Variants in ERAP1 observed in about 807,000 individuals in gnomAD.
The protein encoded by ERAP1 is adipocyte-derived leucine aminopeptidase.
Under a neutral mutation model 103.7 loss-of-function variants are expected in ERAP1, and 86 were observed. The ratio of observed to expected loss-of-function variants is 0.83; its 90% CI spans 0.70 to 0.99. The LOEUF is 0.99. Among genes scored for constraint, ERAP1 ranks in the 50% least tolerant of loss-of-function variants. ERAP1 has a pLI of 0.00. For missense variants in ERAP1, 1,009 were observed against 1,128.4 expected (o/e 0.89, Z 1.52); for synonymous variants, 398 against 402.4 (o/e 0.99, Z 0.13).
intron 3 of ERAP1, among the ~76,000 whole-genome samples, chr5:96,798,870 C>CTTT (rs1561283595): frequency 1.7e-5 from 1 of 58,084 alleles, no homozygotes; most frequent in Non-Finnish European, 4.5e-5. Flanking sequence ...ACAAAAATTT[C>CTTT]CTTTTTTTTT....
chr5:96,763,343 CGT>C (rs537007209), intron 19 of ERAP1: 3 of 751,422 alleles, frequency 4.0e-6, no homozygotes, highest in Non-Finnish European at 7.4e-6. Flanking sequence ...TAAAATGCCC[CGT>C]GTGTGTGTAT....
chr5:96,780,845 G>T (rs1775060526), intron 17 of ERAP1, among the ~76,000 whole-genome samples: 1 of 152,218 alleles, frequency 6.6e-6, no homozygotes, highest in Admixed American at 6.5e-5. Context: ...AAGGGGTTAT[G>T]CCAGATGGAA....
intron 19 of ERAP1, chr5:96,769,275 C>T (rs1172070968): frequency 2.0e-5 from 3 of 152,232 alleles, no homozygotes; most frequent in Non-Finnish European, 2.9e-5. Flanking sequence ...CCTGGTAACT[C>T]GTAAGTAATG....
the ERAP1 span, among the ~76,000 whole-genome samples, chr5:96,821,381 A>C: frequency 6.6e-6 from 1 of 151,982 alleles, no homozygotes; most frequent in Non-Finnish European, 1.5e-5. Context: ...AATTCAACAG[A>C]CTCCAAAAGA....
At chr5:96,912,116 G>A in the ERAP1 span, among the ~76,000 whole-genome samples, 11 of 149,516 alleles carry the variant, frequency 7.4e-5, no homozygotes, top group East Asian at 2.0e-3. Context: ...TGTGAACCCC[G>A]GGGGGCGGAG....
the ERAP1 span, chr5:96,912,815 A>G: frequency 1.9e-6 from 3 of 1,578,868 alleles, no homozygotes; most frequent in Admixed American, 4.0e-5. Context: ...TCAATAATTT[A>G]ACTAAATTGT....
At chr5:96,907,546 G>C in the ERAP1 span, among the ~76,000 whole-genome samples, 1 of 151,222 alleles carries the variant, frequency 6.6e-6, no homozygotes, top group South Asian at 2.1e-4. Context: ...GCTCACACAG[G>C]TGGGAAGGAG....
intron 3 of ERAP1, among the ~76,000 whole-genome samples, chr5:96,798,177 T>C (rs1777556973): frequency 6.6e-6 from 1 of 151,744 alleles, no homozygotes; most frequent in South Asian, 2.1e-4. Context: ...TATGAAAAAT[T>C]AGCCGGGCGT....
the ERAP1 span, among the ~76,000 whole-genome samples, chr5:96,850,010 T>C: frequency 2.0e-4 from 31 of 152,212 alleles, no homozygotes; most frequent in Admixed American, 7.2e-4. Flanking sequence ...CAATGAGTGT[T>C]CAATAAATGG....
downstream of ERAP1, chr5:96,771,785 C>T: frequency 2.5e-6 from 2 of 785,234 alleles, no homozygotes. Context: ...GTGAAGTCCA[C>T]CTCTTGAGTA....
the ERAP1 span, among the ~76,000 whole-genome samples, chr5:96,871,149 A>G: frequency 6.6e-6 from 1 of 152,210 alleles, no homozygotes; most frequent in East Asian, 1.9e-4. Context: ...GCTCTCCCAG[A>G]ATCTCATCTG....
At chr5:96,895,316 T>C in the ERAP1 span, 1 of 1,612,838 alleles carries the variant, frequency 6.2e-7, no homozygotes. Context: ...GCAAAATACA[T>C]GGAACTTATC....
At chr5:96,909,205 G>A in the ERAP1 span, 1 of 1,347,394 alleles carries the variant, frequency 7.4e-7, no homozygotes, top group Non-Finnish European at 1.0e-6. Flanking sequence ...TGAAGTCCTT[G>A]AGGTTAAATC....
At chr5:96,925,197 A>G in the ERAP1 span, among the ~76,000 whole-genome samples, 1 of 152,260 alleles carries the variant, frequency 6.6e-6, no homozygotes, top group Non-Finnish European at 1.5e-5. Flanking sequence ...TTCACATACA[A>G]TAGTAACAGC....
chr5:96,926,553 GATACA>G, the ERAP1 span, among the ~76,000 whole-genome samples: 9 of 152,130 alleles, frequency 5.9e-5, no homozygotes, highest in African/African-American at 1.9e-4. Context: ...TAAATGGAAT[GATACA>G]ATACATTTCA....
Position 96,775,286 on chromosome 5 carries a change from C to G in ERAP1, c.*1110G>C. 1 of 985,242 alleles carries G rather than the reference C, an allele frequency of 1.0e-6. No homozygotes were observed. The highest frequency in any genetic ancestry group is 1.2e-6 in the Non-Finnish European group (1 of 829,848). 61.0% of individuals were successfully genotyped at this position (985,242 alleles called of 1,614,324 possible). On this transcript the variant is annotated 3_prime_UTR_variant, in exon 19 of 19. Coordinates refer to ENST00000443439, the MANE Select transcript of ERAP1 (RefSeq NM_001040458.3). ...CACAAAAGAAAGAAAGACTTCAAAG[C>G]CAAAGAATGTCCTATTTGCTAATAT... is the stretch of plus-strand genomic sequence containing the variant.
At chr5:96,783,543 C>T (rs1167980854) in intron 14 of ERAP1, among the ~76,000 whole-genome samples, 1 of 152,126 alleles carries the variant, frequency 6.6e-6, no homozygotes, top group East Asian at 1.9e-4. Flanking sequence ...AATTATGCAA[C>T]AAGACTTCAG....
the ERAP1 span, among the ~76,000 whole-genome samples, chr5:96,856,122 C>G: frequency 6.6e-6 from 1 of 150,994 alleles, no homozygotes; most frequent in Non-Finnish European, 1.5e-5. Context: ...ACTTCGAGAC[C>G]AGCCTGGCTA....
the ERAP1 span, among the ~76,000 whole-genome samples, chr5:96,813,631 G>A: frequency 9.6e-5 from 10 of 104,596 alleles, no homozygotes; most frequent in East Asian, 3.2e-4. Context: ...CCAGCCTGGC[G>A]ACACAGCAAG....
Sources: allele counts gnomAD v4.1 joint callset (sites outside exome capture counted in the v4.1 genomes callset), GRCh38; gene constraint gnomAD v4.1.1; transcripts MANE v1.5; gene names NCBI Gene and HGNC (gene_info 2026-07-23, HGNC 2026-07-21).